Variants in PDE4D observed in about 807,000 individuals in gnomAD.
PDE4D encodes the protein 3',5'-cyclic-AMP phosphodiesterase 4D.
In PDE4D, 24 loss-of-function variants were observed where a neutral mutation model predicts 87.4. The observed-to-expected ratio is 0.27, with a 90% CI of 0.20 to 0.39. The LOEUF is 0.39. Among genes scored for constraint, PDE4D ranks in the 10% least tolerant of loss-of-function variants. The probability of loss-of-function intolerance (pLI) is 1.00; values close to 1 mark genes in which losing one functional copy is unlikely to be tolerated. For synonymous variants in PDE4D, 384 were observed against 383.2 expected (o/e 1.00, Z -0.02); for missense variants, 714 against 1,041.0 (o/e 0.69, Z 4.32).
intron 5 of PDE4D, among the ~76,000 whole-genome samples, chr5:59,041,355 A>T (rs1759658007): frequency 6.6e-6 from 1 of 152,188 alleles, no homozygotes; most frequent in South Asian, 2.1e-4. Context: ...TGGCTCTAAC[A>T]CAATCATTTT....
At chr5:60,429,204 T>G (rs560906522) in intron 1 of PDE4D, among the ~76,000 whole-genome samples, 52 of 152,358 alleles carry the variant, frequency 3.4e-4, no homozygotes, top group Middle Eastern at 6.8e-3. Context: ...GTAATTCTCA[T>G]TGGAGAGCTC....
At position 59,649,905 on chromosome 5, in the gene PDE4D, C is replaced by CTTTTTTTTTTTTTTTTTTTTTTTT. The variant is rs1156467369; in HGVS notation, c.455+243239_455+243262dup. On this transcript the variant is annotated intron_variant, in intron 1 of 14. Coordinates refer to ENST00000340635, the MANE Select transcript of PDE4D (RefSeq NM_001104631.2). Reference sequence around the variant, plus strand: ...GTTAAAATGTTGATAGTTTGTGAACCTTTTTTTTTTTTTTTTTTTTTTTTT... The same window carrying CTTTTTTTTTTTTTTTTTTTTTTTT: ...GTTAAAATGTTGATAGTTTGTGAACCTTTTTTTTTTTTTTTTTTTTTTTTTTTTTTTTTTTTTTTTTTTTTTTTT... Among the ~76,000 whole-genome samples, 128 of 72,440 alleles carry CTTTTTTTTTTTTTTTTTTTTTTTT rather than the reference C, an allele frequency of 1.8e-3. 20 individuals are homozygous for CTTTTTTTTTTTTTTTTTTTTTTTT. The highest frequency in any genetic ancestry group is 7.7e-3 in the Middle Eastern group (1 of 130). 47.5% of individuals were successfully genotyped at this position (72,440 alleles called of 152,430 possible). A position where few individuals can be genotyped will look rare whatever the true frequency, so the allele number is the denominator to read the frequency against.
At chr5:59,034,812 G>C (rs1219088252) in intron 6 of PDE4D, among the ~76,000 whole-genome samples, 2 of 152,208 alleles carry the variant, frequency 1.3e-5, no homozygotes, top group African/African-American at 4.8e-5. Context: ...CTTCAAGACA[G>C]ACTTTCAGCT....
chr5:59,714,034 C>G (rs1056110307), intron 1 of PDE4D, among the ~76,000 whole-genome samples: 2 of 152,140 alleles, frequency 1.3e-5, no homozygotes, highest in African/African-American at 4.8e-5. Flanking sequence ...GTTGTGAATG[C>G]AGGCCTGGGT....
chr5:60,225,945 G>A (rs1009490717), intron 1 of PDE4D, among the ~76,000 whole-genome samples: 3 of 151,960 alleles, frequency 2.0e-5, no homozygotes, highest in African/African-American at 7.3e-5. Flanking sequence ...TAACGACTGG[G>A]CTACTGACAC....
At chr5:58,996,867 C>T (rs1291995612) in intron 6 of PDE4D, among the ~76,000 whole-genome samples, 1 of 152,072 alleles carries the variant, frequency 6.6e-6, no homozygotes. Context: ...AAATATTGTA[C>T]AGACTAGATA....
Position 59,893,588 on chromosome 5 carries a change from G to C in PDE4D, c.35C>G (p.Ala12Gly). 4 of 1,521,450 alleles carry C rather than the reference G, an allele frequency of 2.6e-6. No individual in the cohort carries two copies. Among genetic ancestry groups the C allele is most frequent in the Non-Finnish European group, 3.5e-6 (4 of 1,135,432 alleles). 94.2% of individuals were successfully genotyped at this position (1,521,450 alleles called of 1,614,324 possible). The part of the protein sequence containing the change: ...EAEGSSAPAR[A>G]GSGEGSDSAG... The stretch of plus-strand genomic sequence containing the variant: ...GCTGTCGCTGCCCTCTCCGCTGCCC[G>C]CCCGGGCCGGCGCGCTGCTGCCCTC... The change falls in exon 1 of 15, where the codon GCG becomes GGG. Residue 12 changes from alanine (A) to glycine (G), a missense_variant. Ala to Gly is a moderately conservative substitution (Grantham distance 60). Transcript: ENST00000340635.
At chr5:59,967,975 C>CTTTT (rs34199262) in intron 3 of PDE4D, among the ~76,000 whole-genome samples, 1 of 52,686 alleles carries the variant, frequency 1.9e-5, no homozygotes, top group Non-Finnish European at 3.4e-5. Context: ...GAGCCATATG[C>CTTTT]TTTTTTTTTT....
At chr5:59,375,007 C>G (rs1337823248) in intron 1 of PDE4D, among the ~76,000 whole-genome samples, 8 of 152,156 alleles carry the variant, frequency 5.3e-5, no homozygotes, top group African/African-American at 1.9e-4. Flanking sequence ...ATACAACATA[C>G]CAGAACCTCT....
chr5:59,571,531 C>T (rs1041382657), intron 1 of PDE4D, among the ~76,000 whole-genome samples: 8 of 152,158 alleles, frequency 5.3e-5, no homozygotes, highest in Non-Finnish European at 8.8e-5. Context: ...TGAAGTGTTA[C>T]TGCTTTCAAA....
chr5:60,004,415 CTA>C (rs978667641), intron 2 of PDE4D, among the ~76,000 whole-genome samples: 10 of 152,174 alleles, frequency 6.6e-5, no homozygotes, highest in Admixed American at 3.9e-4. Flanking sequence ...TAAATCATCT[CTA>C]TGTTATTTAT....
chr5:59,494,417 A>G (rs567048160), intron 1 of PDE4D, among the ~76,000 whole-genome samples: 4 of 152,332 alleles, frequency 2.6e-5, no homozygotes, highest in Non-Finnish European at 4.4e-5. Context: ...CAGTGTCCTA[A>G]TTTGACATGA....
At chr5:59,626,184 T>C (rs1023802676) in intron 1 of PDE4D, among the ~76,000 whole-genome samples, 3 of 152,228 alleles carry the variant, frequency 2.0e-5, no homozygotes, top group Admixed American at 2.0e-4. Flanking sequence ...TTCTATAAAA[T>C]AACAGTTGGC....
chr5:60,431,841 C>T (rs1744344324), intron 1 of PDE4D, among the ~76,000 whole-genome samples: 1 of 152,258 alleles, frequency 6.6e-6, no homozygotes, highest in Non-Finnish European at 1.5e-5. Flanking sequence ...GAGGCCGAGG[C>T]TGGCAGATCA....
chr5:59,564,087 T>C (rs977639118), intron 1 of PDE4D, among the ~76,000 whole-genome samples: 4 of 152,188 alleles, frequency 2.6e-5, no homozygotes, highest in Admixed American at 6.5e-5. Context: ...TTACAAGTCA[T>C]GTGAGCTTGG....
chr5:59,346,247 A>G (rs1779585032), intron 1 of PDE4D, among the ~76,000 whole-genome samples: 1 of 152,108 alleles, frequency 6.6e-6, no homozygotes, highest in Non-Finnish European at 1.5e-5. Flanking sequence ...TAATATTTTG[A>G]TTTTGACCTA....
chr5:59,199,824 A>G (rs1746336313), intron 2 of PDE4D, among the ~76,000 whole-genome samples: 1 of 151,944 alleles, frequency 6.6e-6, no homozygotes, highest in African/African-American at 2.4e-5. Flanking sequence ...CTTGATCTTT[A>G]TGTGTGTGTA....
chr5:59,377,946 T>C (rs1024312822), intron 1 of PDE4D, among the ~76,000 whole-genome samples: 4 of 152,184 alleles, frequency 2.6e-5, no homozygotes, highest in African/African-American at 9.7e-5. Context: ...CCCAAAGGAA[T>C]AGAAATTATT....
chr5:60,067,231 T>C (rs12187454), intron 2 of PDE4D, among the ~76,000 whole-genome samples: 74,365 of 151,798 alleles, frequency 0.49, 18,675 homozygotes, highest in East Asian at 0.83. Context: ...CCCTAAAGTT[T>C]GGCATGTGAT....
Sources: gnomAD v4.1 joint callset for allele counts (sites outside exome capture counted in the v4.1 genomes callset) on GRCh38, gnomAD v4.1.1 for gene constraint, MANE v1.5 for transcripts, NCBI Gene and HGNC (gene_info 2026-07-23, HGNC 2026-07-21) for gene names.